CDC5L: variants seen among roughly 807,000 people sequenced by gnomAD.
CDC5L encodes cell division cycle 5 like.
A neutral mutation model predicts 104.1 loss-of-function variants in CDC5L; 18 were observed. That is an observed-to-expected ratio of 0.17 (90% CI 0.12 to 0.26). The LOEUF is 0.26. Among genes scored for constraint, CDC5L ranks in the 10% least tolerant of loss-of-function variants. The probability of loss-of-function intolerance (pLI) is 1.00; values close to 1 mark genes in which losing one functional copy is unlikely to be tolerated. For missense variants in CDC5L, 673 were observed against 956.9 expected, an observed-to-expected ratio of 0.70 and a Z score of 3.91; for synonymous variants, 331 against 322.7, an observed-to-expected ratio of 1.03 and a Z score of -0.28.
intron 14 of CDC5L, among the ~76,000 whole-genome samples, chr6:44,438,560 G>A (rs868608662): frequency 3.9e-5 from 6 of 151,944 alleles, no homozygotes; most frequent in South Asian, 4.2e-4. Flanking sequence ...AACCACTGGC[G>A]TAAAAAGACA....
intron 8 of CDC5L, 139 bp downstream of exon 8, chr6:44,408,771 C>CA (rs1791494108): frequency 2.1e-6 from 1 of 486,234 alleles, no homozygotes; most frequent in African/African-American, 2.0e-5. Context: ...ATAGATCTTG[C>CA]AATATTTCTG....
intron 8 of CDC5L, among the ~76,000 whole-genome samples, chr6:44,417,054 G>T (rs1791939933): frequency 6.6e-6 from 1 of 152,150 alleles, no homozygotes; most frequent in African/African-American, 2.4e-5. Context: ...GTGATTTAGT[G>T]CATTTTACTA....
chr6:44,416,012 G>C (rs929601718), intron 8 of CDC5L, among the ~76,000 whole-genome samples: 1 of 152,090 alleles, frequency 6.6e-6, no homozygotes, highest in Non-Finnish European at 1.5e-5. Flanking sequence ...TTGGTTCAGT[G>C]TCTGTTCTAT....
intron 9 of CDC5L, among the ~76,000 whole-genome samples, chr6:44,421,904 C>T (rs1792197971): frequency 6.6e-6 from 1 of 152,088 alleles, no homozygotes; most frequent in African/African-American, 2.4e-5. Context: ...TGTCTCTCAC[C>T]TAGATTGTAA....
chr6:44,419,552 G>A lies in CDC5L; in HGVS notation c.1196G>A (p.Arg399Gln), dbSNP rs370966869. 4.3e-6 allele frequency: 7 copies of A among 1,613,430 alleles called. No individual in the cohort carries two copies. The highest frequency in any genetic ancestry group is 4.0e-5 in the African/African-American group (3 of 74,908). ...ESDFSGVTPQ[R>Q]QVVQTPNTVL... ...GACTTCTCAGGTGTAACTCCACAGC[G>A]ACAAGTTGTACAGACTCCAAACACA... Residue 399 changes from arginine to glutamine, a missense_variant, in exon 9 of 16, where the codon CGA becomes CAA. Transcript: ENST00000371477.
At chr6:44,412,097 A>T (rs983159643) in intron 8 of CDC5L, among the ~76,000 whole-genome samples, 1 of 152,204 alleles carries the variant, frequency 6.6e-6, no homozygotes, top group Non-Finnish European at 1.5e-5. Context: ...CCCACTAGCC[A>T]TCTTCTCCTG....
chr6:44,414,744 T>A lies in CDC5L; in HGVS notation c.1093-4705T>A, dbSNP rs78729509. On this transcript the variant is annotated intron_variant, in intron 8 of 15. Coordinates refer to ENST00000371477, the MANE Select transcript of CDC5L (RefSeq NM_001253.4). ...CATTTTGTAGGTTGTGTTTTCACTT[T>A]CTTGATGTTCTCATTTGCAGTACAG... is the stretch of plus-strand genomic sequence containing the variant. Among the ~76,000 whole-genome samples, 40 of 152,304 alleles carry A rather than the reference T, an allele frequency of 2.6e-4. No individual in the cohort carries two copies. The East Asian group carries it at 7.7e-3, about 29-fold the overall frequency.
chr6:44,387,944 G>A (rs45491892), intron 1 of CDC5L, 76 bp downstream of exon 1: 3 of 1,417,880 alleles, frequency 2.1e-6, no homozygotes, highest in Non-Finnish European at 2.9e-6. Flanking sequence ...GGAGGTCGGG[G>A]GGGCGACGAG....
chr6:44,388,517 A>G (rs1486137363), intron 1 of CDC5L, among the ~76,000 whole-genome samples: 2 of 152,142 alleles, frequency 1.3e-5, no homozygotes, highest in South Asian at 2.1e-4. Context: ...AACGTAGTGG[A>G]TAGTGCCATT....
At chr6:44,396,777 C>T (rs1166187231) in intron 5 of CDC5L, among the ~76,000 whole-genome samples, 1 of 152,106 alleles carries the variant, frequency 6.6e-6, no homozygotes, top group Non-Finnish European at 1.5e-5. Context: ...CATTCATCTG[C>T]TAGAGGACTC....
rs752921987 is a variant in CDC5L at position 44,446,629 on chromosome 6, G to A, written c.2327G>A (p.Arg776Gln). The A allele has an allele frequency of 3.2e-6, 5 of 1,579,580 alleles. No homozygotes were observed. Among genetic ancestry groups the A allele is most frequent in the Non-Finnish European group, 4.3e-6 (5 of 1,163,642 alleles). ...RLECLKEDVQRQQEREKELQH... is the reference protein window; with the variant it reads ...RLECLKEDVQQQQEREKELQH... ...AAGTGTCTAAAAGAAGACGTTCAGC[G>A]ACAACAAGAAAGAGAAAAGGAACTT... Residue 776 changes from arginine (R) to glutamine (Q), a missense_variant, in exon 16 of 16, where the codon CGA (arginine) becomes CAA (glutamine). Arg to Gln is a conservative substitution (Grantham distance 43). Transcript: ENST00000371477.
chr6:44,409,800 C>T (rs1791546732), intron 8 of CDC5L, among the ~76,000 whole-genome samples: 1 of 152,168 alleles, frequency 6.6e-6, no homozygotes, highest in Non-Finnish European at 1.5e-5. Context: ...TTCACTGTCA[C>T]CCTAGAGAGT....
rs1255063358 is a variant in CDC5L at position 44,448,720 on chromosome 6, T to C, written c.*2009T>C. The C allele has an allele frequency of 6.6e-6, 1 of 152,250 alleles. No homozygotes were observed. The highest frequency in any genetic ancestry group is 6.5e-5 in the Admixed American group (1 of 15,288). 9.4% of individuals were successfully genotyped at this position (152,250 alleles called of 1,614,324 possible). A position where few individuals can be genotyped will look rare whatever the true frequency, so the allele number is the denominator to read the frequency against. ...TTCTGATAGTTTTATTTCACTTTTA[T>C]TGCATGTTTTGTTATCTGAAATGTT... is the stretch of plus-strand genomic sequence containing the variant. On this transcript the variant is annotated 3_prime_UTR_variant, in exon 16 of 16. Coordinates refer to ENST00000371477, the MANE Select transcript of CDC5L (RefSeq NM_001253.4).
chr6:44,433,453 A>C (rs1208993601), intron 14 of CDC5L, among the ~76,000 whole-genome samples: 1 of 152,218 alleles, frequency 6.6e-6, no homozygotes, highest in Non-Finnish European at 1.5e-5. Context: ...CAGTGGGTGC[A>C]AAAGTGAAAT....
chr6:44,440,492 C>A (rs568757063), intron 14 of CDC5L, among the ~76,000 whole-genome samples: 7 of 151,990 alleles, frequency 4.6e-5, no homozygotes, highest in African/African-American at 1.7e-4. Context: ...ATCTGCCCAC[C>A]GTGGCCTTCC....
Position 44,445,702 on chromosome 6 carries a change from G to A in CDC5L, c.2139G>A (p.Met713Ile), listed in dbSNP as rs748582815. 3.1e-6 allele frequency: 5 copies of A among 1,614,092 alleles called. No homozygotes were observed. Among genetic ancestry groups the A allele is most frequent in the Non-Finnish European group, 4.2e-6 (5 of 1,180,002 alleles). ...CAGAAGCCAAGAGGGCTGCAAAGAT[G>A]GAAAAGAAGATGAAAATTTTGCTTG... is the stretch of plus-strand genomic sequence containing the variant. ...MTTEAKRAAKMEKKMKILLGG... is the reference protein window; with the variant it reads ...MTTEAKRAAKIEKKMKILLGG... Residue 713 changes from methionine (M) to isoleucine (I), a missense_variant, in exon 15 of 16, where the codon ATG (methionine) becomes ATA (isoleucine). Around this residue, in one of 4 missense-constraint regions of CDC5L, gnomAD observed 578 missense variants for 737.0 expected, o/e 0.78. Transcript: ENST00000371477.
rs1286137562 is a variant in CDC5L at position 44,447,561 on chromosome 6, A to G, written c.*850A>G. On this transcript the variant is annotated 3_prime_UTR_variant, in exon 16 of 16. Coordinates refer to ENST00000371477, the MANE Select transcript of CDC5L (RefSeq NM_001253.4). The stretch of plus-strand genomic sequence containing the variant: ...TTTAGTTACAGTATCAGTTGGCTAC[A>G]AGCTCATTATAGACTAGCAATGTTT... 6.6e-6 allele frequency: 1 copy of G among 152,188 alleles called. No homozygotes were observed. The highest frequency in any genetic ancestry group is 1.9e-4 in the East Asian group (1 of 5,196). The allele number at this position is 152,188 out of a possible 1,614,324, so 9.4% of individuals were successfully genotyped here.
At position 44,426,672 on chromosome 6, in the gene CDC5L, C is replaced by T. The variant is rs2153381811; in HGVS notation, c.1841C>T (p.Thr614Ile). 6.2e-7 allele frequency: 1 copy of T among 1,612,574 alleles called. No individual in the cohort carries two copies. The highest frequency in any genetic ancestry group is 1.1e-5 in the South Asian group (1 of 91,042). ...GFGTNNSEHI[T>I]YLEHNPYEKF... ...GGTACCAATAATTCAGAGCACATTA[C>T]CTATCTGGAACATAATCCTTATGAA... The change falls in exon 13 of 16, where the codon ACC becomes ATC. Residue 614 changes from threonine to isoleucine, a missense_variant. Coordinates refer to ENST00000371477, the MANE Select transcript of CDC5L (RefSeq NM_001253.4).
In CDC5L at chr6:44,408,506, A is replaced by G. The variant is rs755405339; in HGVS notation, c.966A>G (p.Gln322=). ...GCCAAGCGAGTGAAATTGCACGTCAAACTGCCGAGGAATCTGGCATAACAA... is the reference window on the plus strand; with the variant it reads ...GCCAAGCGAGTGAAATTGCACGTCAGACTGCCGAGGAATCTGGCATAACAA... ...KVGQASEIAR[Q]TAEESGITNS... Residue 322 remains glutamine, a synonymous_variant, in exon 8 of 16, where the codon CAA becomes CAG. Coordinates refer to ENST00000371477, the MANE Select transcript of CDC5L (RefSeq NM_001253.4). 1.9e-6 allele frequency: 3 copies of G among 1,613,944 alleles called. No individual in the cohort carries two copies. The highest frequency in any genetic ancestry group is 2.5e-6 in the Non-Finnish European group (3 of 1,179,908).
Sources: gnomAD v4.1 joint callset for allele counts (sites outside exome capture counted in the v4.1 genomes callset) on GRCh38, gnomAD v4.1.1 for gene constraint, gnomAD v4.1.1 regional missense constraint, MANE v1.5 for transcripts, NCBI Gene and HGNC (gene_info 2026-07-23, HGNC 2026-07-21) for gene names.